Variants in GPA33 observed in about 807,000 individuals in gnomAD.
GPA33 encodes the protein cell surface A33 antigen.
GPA33 carries 27 observed loss-of-function variants against 35.6 expected under a neutral mutation model. The ratio of observed to expected loss-of-function variants is 0.76; its 90% CI spans 0.56 to 1.04. GPA33 has a LOEUF of 1.04. Among genes scored for constraint, GPA33 ranks in the 50% least tolerant of loss-of-function variants. The pLI is 0.00. For missense variants in GPA33, 428 were observed against 411.9 expected, an observed-to-expected ratio of 1.04 and a Z score of -0.34; for synonymous variants, 176 against 164.0, an observed-to-expected ratio of 1.07 and a Z score of -0.56.
At chr1:167,070,115 G>A (rs1666686636) in intron 2 of GPA33, among the ~76,000 whole-genome samples, 3 of 152,198 alleles carry the variant, frequency 2.0e-5, no homozygotes, top group Non-Finnish European at 2.9e-5. Context: ...GCCAGGCAAA[G>A]GGCTGGGGGT....
intron 2 of GPA33, among the ~76,000 whole-genome samples, chr1:167,071,354 A>C (rs1264008241): frequency 6.6e-6 from 1 of 152,190 alleles, no homozygotes; most frequent in African/African-American, 2.4e-5. Context: ...ATTTCTGTAG[A>C]GCATTAGGTA....
intron 3 of GPA33, among the ~76,000 whole-genome samples, chr1:167,065,562 A>C (rs1666573094): frequency 6.6e-6 from 1 of 152,064 alleles, no homozygotes; most frequent in Admixed American, 6.6e-5. Context: ...CCATTCTATA[A>C]TCCAGGTGCA....
At chr1:167,077,773 C>A (rs891930463) in intron 1 of GPA33, among the ~76,000 whole-genome samples, 1 of 152,176 alleles carries the variant, frequency 6.6e-6, no homozygotes, top group Non-Finnish European at 1.5e-5. Flanking sequence ...TCTCAATTCC[C>A]TGTTAATCTC....
chr1:167,088,297 C>T (rs894025846), intron 1 of GPA33, among the ~76,000 whole-genome samples: 5 of 152,146 alleles, frequency 3.3e-5, no homozygotes, highest in East Asian at 1.9e-4. Flanking sequence ...TGGGGAGGGC[C>T]GCCTGGTTGC....
At position 167,083,789 on chromosome 1, in the gene GPA33, G is replaced by A. The variant is rs147562549; in HGVS notation, c.43+6456C>T. ...CAGAGGTCAGGGGGTGGCAGAAGGC[G>A]AGGCATGTTCCAGAAACTAACACAA... On this transcript the variant is annotated intron_variant, in intron 1 of 6. Coordinates refer to ENST00000367868, the MANE Select transcript of GPA33 (RefSeq NM_005814.3). Among the ~76,000 whole-genome samples the A allele has an allele frequency of 8.5e-4, 129 of 152,214 alleles. 1 individual carries two copies. Among genetic ancestry groups the A allele is most frequent in the African/African-American group, 2.9e-3 (121 of 41,538 alleles).
chr1:167,087,393 G>A (rs55734327), intron 1 of GPA33, among the ~76,000 whole-genome samples: 7,977 of 152,226 alleles, frequency 0.052, 249 homozygotes, highest in Middle Eastern at 0.078. Flanking sequence ...TAGCCCTGTT[G>A]GGGCACAGTG....
At chr1:167,090,147 GC>G in intron 1 of GPA33, 97 bp downstream of exon 1, 2 of 882,040 alleles carry the variant, frequency 2.3e-6, no homozygotes, top group Non-Finnish European at 1.9e-6. Flanking sequence ...GTTGCTGGAG[GC>G]CCTTCCTGGG....
chr1:167,058,663 A>T (rs143783339), intron 4 of GPA33: 1 of 152,140 alleles, frequency 6.6e-6, no homozygotes, highest in Non-Finnish European at 1.5e-5. Flanking sequence ...GTCCCCTTCT[A>T]TCCTAGAATT....
Position 167,090,247 on chromosome 1 carries a change from G to A in GPA33, c.41C>T (p.Ala14Val). Residue 14 changes from alanine (A) to valine (V), a missense_variant and splice_region_variant, in exon 1 of 7, where the codon GCA (alanine) becomes GTA (valine). Physicochemically the swap from Ala to Val is moderately conservative, Grantham distance 64. Coordinates refer to ENST00000367868, the MANE Select transcript of GPA33 (RefSeq NM_005814.3). ...GGAGAGAAAAGGGGCCTACTCACCT[G>A]CACAGAGTGTCCACAACACAGGCCA... ...KMWPVLWTLC[A>V]VRVTVDAISV... is the part of the protein sequence containing the mutation. 1.2e-6 allele frequency: 2 copies of A among 1,611,820 alleles called. No homozygotes were observed. Among genetic ancestry groups the A allele is most frequent in the Non-Finnish European group, 1.7e-6 (2 of 1,177,914 alleles).
At chr1:167,078,164 G>A (rs1666861115) in intron 1 of GPA33, among the ~76,000 whole-genome samples, 1 of 152,204 alleles carries the variant, frequency 6.6e-6, no homozygotes, top group Non-Finnish European at 1.5e-5. Flanking sequence ...TCTTGTCACA[G>A]AAACTCTTCT....
In GPA33 at chr1:167,090,312, A is replaced by G; in HGVS notation, c.-25T>C. Reference sequence around the variant, plus strand: ...TGGTCTTGCTTCTTCTCTGCCCTAAACCTAACCTGTCACTGGCAGCCTCCA... The same window carrying G: ...TGGTCTTGCTTCTTCTCTGCCCTAAGCCTAACCTGTCACTGGCAGCCTCCA... On this transcript the variant is annotated 5_prime_UTR_variant, in exon 1 of 7. Coordinates refer to ENST00000367868, the MANE Select transcript of GPA33 (RefSeq NM_005814.3). 6.2e-7 allele frequency: 1 copy of G among 1,607,350 alleles called. No homozygotes were observed. The highest frequency in any genetic ancestry group is 8.5e-7 in the Non-Finnish European group (1 of 1,174,156).
chr1:167,081,473 G>A (rs996478995), intron 1 of GPA33, among the ~76,000 whole-genome samples: 6 of 152,212 alleles, frequency 3.9e-5, no homozygotes, highest in African/African-American at 1.4e-4. Flanking sequence ...AGCTGAGAGA[G>A]GAGAGATTGA....
chr1:167,078,045 C>T (rs1044352123), intron 1 of GPA33, among the ~76,000 whole-genome samples: 4 of 152,194 alleles, frequency 2.6e-5, no homozygotes, highest in African/African-American at 9.7e-5. Flanking sequence ...GCCCAACAGT[C>T]AGGGAAAAGT....
chr1:167,054,886 T>G (rs2102161902), intron 6 of GPA33, 90 bp downstream of exon 6: 1 of 1,429,282 alleles, frequency 7.0e-7, no homozygotes, highest in Middle Eastern at 1.8e-4. Context: ...CCCCAAGGGG[T>G]GCTGCAAGTA....
intron 3 of GPA33, among the ~76,000 whole-genome samples, chr1:167,068,591 C>A (rs1350978099): frequency 6.6e-6 from 1 of 152,054 alleles, no homozygotes; most frequent in African/African-American, 2.4e-5. Flanking sequence ...TGAGTCTTTG[C>A]AATAGGATTT....
chr1:167,062,354 T>TC (rs1491194146), intron 4 of GPA33, among the ~76,000 whole-genome samples: 2 of 151,982 alleles, frequency 1.3e-5, no homozygotes, highest in Non-Finnish European at 2.9e-5. Flanking sequence ...TAGCTGGGAC[T>TC]AAAGGGTGAG....
chr1:167,090,363 G>A lies in GPA33; in HGVS notation c.-76C>T. ...GACAGGTCTGAGCTGTCTGGTTAAA[G>A]CTACAGCAGCTTCTGGCCTGGCCCA... On this transcript the variant is annotated 5_prime_UTR_variant, in exon 1 of 7. Coordinates refer to ENST00000367868, the MANE Select transcript of GPA33 (RefSeq NM_005814.3). The A allele has an allele frequency of 8.0e-7, 1 of 1,249,214 alleles. No individual in the cohort carries two copies. The highest frequency in any genetic ancestry group is 1.2e-6 in the Non-Finnish European group (1 of 854,106). 77.4% of individuals were successfully genotyped at this position (1,249,214 alleles called of 1,614,324 possible).
At chr1:167,056,660 ACGGTGAGTGTGTGATGTGTC>A (rs1571302008) in intron 4 of GPA33, among the ~76,000 whole-genome samples, 308 of 3,690 alleles carry the variant, frequency 0.083, no homozygotes, top group East Asian at 0.13. Flanking sequence ...TGTGTGTGGT[ACGGTGAGTGTGTGATGTGTC>A]TGGTGTGTGG....
chr1:167,084,324 G>A (rs552185759), intron 1 of GPA33, among the ~76,000 whole-genome samples: 5 of 152,268 alleles, frequency 3.3e-5, no homozygotes, highest in South Asian at 2.1e-4. Context: ...GGAGAAAAAC[G>A]GGCAGATTGA....
Sources: gnomAD v4.1 joint callset for allele counts (sites outside exome capture counted in the v4.1 genomes callset) on GRCh38, gnomAD v4.1.1 for gene constraint, MANE v1.5 for transcripts, NCBI Gene and HGNC (gene_info 2026-07-23, HGNC 2026-07-21) for gene names.